The following NT5DC3 variants were observed in gnomAD, a reference collection of about 807,000 sequenced individuals.
NT5DC3 encodes 5'-nucleotidase domain containing 3.
In NT5DC3, 42 loss-of-function variants were observed where a neutral mutation model predicts 67.8. That is an observed-to-expected ratio of 0.62 (90% CI 0.48 to 0.80). The LOEUF (loss-of-function observed/expected upper bound fraction) is 0.80. NT5DC3 is among the 30% of genes least tolerant of loss of function. The probability of loss-of-function intolerance (pLI) is 0.00; values close to 1 mark genes in which losing one functional copy is unlikely to be tolerated. For synonymous variants in NT5DC3, 237 were observed against 255.6 expected (o/e 0.93, Z 0.69); for missense variants, 570 against 696.4 (o/e 0.82, Z 2.04).
downstream of NT5DC3, chr12:103,766,375 C>G: frequency 6.3e-7 from 1 of 1,580,186 alleles, no homozygotes; most frequent in East Asian, 2.2e-5. Flanking sequence ...CTCACTGCCA[C>G]CTGGGCCATC....
At chr12:103,759,180 G>A in the NT5DC3 span, 13 of 1,614,078 alleles carry the variant, frequency 8.1e-6, no homozygotes, top group African/African-American at 1.7e-4. Flanking sequence ...ATGTCAGCAT[G>A]TTTTTCTACA....
chr12:103,766,315 T>G (rs756128685), downstream of NT5DC3: 1 of 1,613,856 alleles, frequency 6.2e-7, no homozygotes. Context: ...TTGAGGGCAA[T>G]GACCCCTTGA....
the NT5DC3 span, chr12:103,755,306 A>G: frequency 2.5e-6 from 4 of 1,613,826 alleles, no homozygotes; most frequent in Admixed American, 3.3e-5. Context: ...CTGCAGGCCA[A>G]GTACCACCTG....
At chr12:103,749,187 A>G in the NT5DC3 span, 3 of 1,572,728 alleles carry the variant, frequency 1.9e-6, no homozygotes, top group Non-Finnish European at 2.6e-6. Flanking sequence ...GAAATTTGGG[A>G]GCAGCGCCGT....
intron 13 of NT5DC3, 73 bp downstream of exon 13, chr12:103,780,227 G>A (rs1015562342): frequency 1.6e-6 from 2 of 1,286,044 alleles, no homozygotes; most frequent in African/African-American, 2.9e-5. Context: ...GGCTGGCCCT[G>A]GGGAACACAT....
At chr12:103,754,945 CAA>C in the NT5DC3 span, 611 of 158,626 alleles carry the variant, frequency 3.9e-3, no homozygotes, top group South Asian at 9.4e-3. Flanking sequence ...GACTCCACCT[CAA>C]AAAAAAAAAA....
At chr12:103,769,465 G>A (rs972196454), downstream of NT5DC3, among the ~76,000 whole-genome samples, 3 of 152,220 alleles carry the variant, frequency 2.0e-5, no homozygotes, top group Admixed American at 2.0e-4. Flanking sequence ...CCCAACACAC[G>A]TGCCCTGCAT....
chr12:103,788,950 T>C (rs1885917077), intron 9 of NT5DC3, 31 bp from the exon 10 acceptor site: 3 of 1,388,620 alleles, frequency 2.2e-6, no homozygotes, highest in Non-Finnish European at 3.1e-6. Context: ...CATTATGACA[T>C]GGAGTAGTAC....
chr12:103,780,238 G>T (rs1393756101), intron 13 of NT5DC3, 62 bp downstream of exon 13: 2 of 1,402,822 alleles, frequency 1.4e-6, no homozygotes, highest in Non-Finnish European at 1.0e-6. Context: ...GGGAACACAT[G>T]TGGGCTGAGC....
intron 2 of NT5DC3, among the ~76,000 whole-genome samples, chr12:103,808,264 C>T (rs893531667): frequency 6.6e-6 from 1 of 152,200 alleles, no homozygotes; most frequent in African/African-American, 2.4e-5. Flanking sequence ...GTATGGTGGG[C>T]AGAGAATCAG....
At chr12:103,762,197 C>A in the NT5DC3 span, 4 of 1,582,358 alleles carry the variant, frequency 2.5e-6, no homozygotes, top group South Asian at 1.1e-5. Flanking sequence ...CTCCAGAATG[C>A]CTCGGGCCAC....
At chr12:103,798,792 G>A (rs1049161256) in intron 4 of NT5DC3, 115 bp from the exon 5 acceptor site, 8 of 688,770 alleles carry the variant, frequency 1.2e-5, no homozygotes, top group Non-Finnish European at 1.8e-5. Context: ...TCATCATGAC[G>A]AGGCAAAATG....
rs763499799 is a variant in NT5DC3 at position 103,787,513 on chromosome 12, T to C, written c.1116A>G (p.Glu372=). Residue 372 remains glutamate, a synonymous_variant, in exon 11 of 14, where the codon GAA becomes GAG. Transcript: ENST00000392876. The part of the protein sequence containing the change: ...GQIYKQGNLY[E]FLKLTGWRGS... ...CTCTCCATCCAGTAAGCTTCAAAAA[T>C]TCATATAAATTACCCTGTAATCAGA... 6.3e-7 allele frequency: 1 copy of C among 1,589,444 alleles called. No homozygotes were observed. The highest frequency in any genetic ancestry group is 8.6e-7 in the Non-Finnish European group (1 of 1,162,178).
At chr12:103,803,138 G>A (rs1053358153) in intron 4 of NT5DC3, among the ~76,000 whole-genome samples, 5 of 152,198 alleles carry the variant, frequency 3.3e-5, no homozygotes, top group African/African-American at 4.8e-5. Flanking sequence ...TGCCTTCTTC[G>A]TTCTCTCCCC....
chr12:103,818,971 G>C (rs1887380355), intron 1 of NT5DC3, among the ~76,000 whole-genome samples: 1 of 152,200 alleles, frequency 6.6e-6, no homozygotes, highest in South Asian at 2.1e-4. Context: ...CCTTTCCAAA[G>C]GAGGTTCAAA....
At chr12:103,789,190 A>G (rs4964819) in intron 9 of NT5DC3, 140,061 of 350,540 alleles carry the variant, frequency 0.4, 31,990 homozygotes, top group East Asian at 0.87. Flanking sequence ...TTGGGAAGCC[A>G]AGGCAGGTGA....
At chr12:103,803,018 A>G (rs1886649094) in intron 4 of NT5DC3, among the ~76,000 whole-genome samples, 1 of 152,028 alleles carries the variant, frequency 6.6e-6, no homozygotes, top group Non-Finnish European at 1.5e-5. Context: ...AAACCCCAAG[A>G]ACCCAGGAGA....
At chr12:103,761,436 G>C in the NT5DC3 span, 2 of 1,602,404 alleles carry the variant, frequency 1.2e-6, no homozygotes. Context: ...CCCTGATAAC[G>C]GGCCAGGAGG....
chr12:103,837,266 G>A (rs896972090), intron 1 of NT5DC3, among the ~76,000 whole-genome samples: 1 of 152,214 alleles, frequency 6.6e-6, no homozygotes, highest in Admixed American at 6.5e-5. Context: ...CCTGGGCCCA[G>A]CCCACTAAAC....
Sources: allele counts gnomAD v4.1 joint callset (sites outside exome capture counted in the v4.1 genomes callset), GRCh38; gene constraint gnomAD v4.1.1; transcripts MANE v1.5; gene names NCBI Gene and HGNC (gene_info 2026-07-23, HGNC 2026-07-21).